The following LRP1B variants were observed in gnomAD, a reference collection of about 807,000 sequenced individuals.
LRP1B encodes the protein LDL receptor related protein 1B.
In LRP1B, 217 loss-of-function variants were observed where a neutral mutation model predicts 556.6. The ratio of observed to expected loss-of-function variants is 0.39; its 90% CI spans 0.35 to 0.44. The LOEUF (loss-of-function observed/expected upper bound fraction) is 0.44, where lower values mean the gene tolerates loss of function less well. Among genes scored for constraint, LRP1B ranks in the 20% least tolerant of loss-of-function variants. LRP1B has a pLI of 1.00. For synonymous variants in LRP1B, 2,047 were observed against 1,865.8 expected (o/e 1.10, Z -2.50); for missense variants, 5,053 against 5,620.8 (o/e 0.90, Z 3.23).
chr2:141,024,046 A>T (rs1223326283), intron 11 of LRP1B, among the ~76,000 whole-genome samples: 1 of 151,984 alleles, frequency 6.6e-6, no homozygotes, highest in African/African-American at 2.4e-5. Flanking sequence ...CCTGTCTCCT[A>T]TTCTTGTAGT....
At chr2:140,737,594 A>G (rs190837269) in intron 35 of LRP1B, among the ~76,000 whole-genome samples, 254 of 152,310 alleles carry the variant, frequency 1.7e-3, no homozygotes, top group Non-Finnish European at 2.7e-3. Flanking sequence ...AGTAAGAGCA[A>G]TCACAGTGGA....
intron 1 of LRP1B, among the ~76,000 whole-genome samples, chr2:141,945,543 A>G (rs1700928725): frequency 6.6e-6 from 1 of 151,140 alleles, no homozygotes; most frequent in Admixed American, 6.6e-5. Flanking sequence ...ATATATGTAT[A>G]TATATATATA....
At chr2:140,805,740 C>T (rs1017589294) in intron 32 of LRP1B, among the ~76,000 whole-genome samples, 2 of 151,998 alleles carry the variant, frequency 1.3e-5, no homozygotes, top group Non-Finnish European at 2.9e-5. Context: ...AAAAATCATG[C>T]AAGGTTAAAA....
At chr2:141,471,268 A>ATGTTTTTTTTTTTTTTTTTTT (rs1553518973) in intron 3 of LRP1B, among the ~76,000 whole-genome samples, 2 of 31,904 alleles carry the variant, frequency 6.3e-5, no homozygotes, top group African/African-American at 1.5e-4. Context: ...ATACCCTGGT[A>ATGTTTTTTTTTTTTTTTTTTT]TTTTTTTTTT....
chr2:141,315,882 CTTTTTTTTTTTTTT>C (rs70991157), intron 3 of LRP1B, among the ~76,000 whole-genome samples: 87 of 18,156 alleles, frequency 4.8e-3, no homozygotes, highest in Non-Finnish European at 6.8e-3. Context: ...TTAGTCTGGT[CTTTTTTTTTTTTTT>C]TTTTTTTTTT....
intron 49 of LRP1B, among the ~76,000 whole-genome samples, chr2:140,522,166 G>A (rs1690209126): frequency 6.6e-6 from 1 of 151,868 alleles, no homozygotes. Flanking sequence ...ATACTCTAAA[G>A]TTAACCACAG....
intron 43 of LRP1B, among the ~76,000 whole-genome samples, chr2:140,564,545 A>C (rs1210349166): frequency 1.3e-5 from 2 of 152,084 alleles, no homozygotes; most frequent in Non-Finnish European, 2.9e-5. Flanking sequence ...ATAATCAATA[A>C]AAAATGTTAT....
intron 44 of LRP1B, 59 bp downstream of exon 44, chr2:140,541,720 T>G: frequency 3.9e-6 from 5 of 1,295,808 alleles, no homozygotes; most frequent in Non-Finnish European, 5.3e-6. Flanking sequence ...CATATATACA[T>G]TTTTAGAGAT....
At position 141,584,445 on chromosome 2, in the gene LRP1B, T is replaced by A. The variant is rs572968411; in HGVS notation, c.206-103912A>T. On this transcript the variant is annotated intron_variant, in intron 2 of 90. Coordinates refer to ENST00000389484, the MANE Select transcript of LRP1B (RefSeq NM_018557.3). ...CAACGATGTTAAGAATCGACCATAC[T>A]AATTTATGCAGACGGAACACAGCCT... 4.6e-5 allele frequency among the ~76,000 whole-genome samples: 7 copies of A among 152,256 alleles called. No individual in the cohort carries two copies. In the South Asian group the frequency reaches 1.5e-3, roughly 32 times the overall value.
intron 3 of LRP1B, among the ~76,000 whole-genome samples, chr2:141,456,492 C>A (rs182146443): frequency 2.0e-5 from 3 of 152,148 alleles, no homozygotes; most frequent in Admixed American, 2.0e-4. Context: ...CAACTATGAA[C>A]ATCTTGAGAT....
chr2:141,766,890 A>C (rs1280414768), intron 2 of LRP1B, among the ~76,000 whole-genome samples: 2 of 152,152 alleles, frequency 1.3e-5, no homozygotes, highest in African/African-American at 4.8e-5. Context: ...CCTCCTGTCC[A>C]ACCTATCCCA....
At chr2:141,077,038 A>C (rs1699805709) in intron 7 of LRP1B, among the ~76,000 whole-genome samples, 1 of 152,144 alleles carries the variant, frequency 6.6e-6, no homozygotes, top group Admixed American at 6.6e-5. Flanking sequence ...CGAGGCCAGG[A>C]GTTCGAGACC....
chr2:140,301,853 ATG>A (rs1386008914), intron 83 of LRP1B, among the ~76,000 whole-genome samples: 1 of 151,814 alleles, frequency 6.6e-6, no homozygotes, highest in African/African-American at 2.4e-5. Context: ...ATACTAATAT[ATG>A]AATATATATG....
chr2:141,577,398 G>A (rs572454779), intron 2 of LRP1B, among the ~76,000 whole-genome samples: 29 of 152,304 alleles, frequency 1.9e-4, no homozygotes, highest in Admixed American at 1.7e-3. Flanking sequence ...GTTTAGCCCA[G>A]TTCCTGGAAT....
At chr2:141,267,647 A>G (rs1684938529) in intron 3 of LRP1B, among the ~76,000 whole-genome samples, 1 of 151,428 alleles carries the variant, frequency 6.6e-6, no homozygotes, top group Admixed American at 6.6e-5. Flanking sequence ...GAGAGAAACT[A>G]TGCGTGAGGA....
At chr2:141,852,613 T>C (rs900015832) in intron 1 of LRP1B, among the ~76,000 whole-genome samples, 1 of 151,590 alleles carries the variant, frequency 6.6e-6, no homozygotes, top group Non-Finnish European at 1.5e-5. Flanking sequence ...AATAGGTCAA[T>C]AGAACAGAGC....
chr2:140,238,152 C>T lies in LRP1B; in HGVS notation c.13560G>A (p.Lys4520=), dbSNP rs1680793646. 6.3e-7 allele frequency: 1 copy of T among 1,598,552 alleles called. No individual in the cohort carries two copies. The highest frequency in any genetic ancestry group is 8.5e-7 in the Non-Finnish European group (1 of 1,171,182). The part of the protein sequence containing the change: ...LDPGFMIDPT[K]ARYIGGGPSA... ...TGCCCATTATCTTAAGACATACTAC[C>T]TTTGTTGGGTCTATCATAAAGCCAG... The change falls in exon 89 of 91, where the codon AAG becomes AAA. Residue 4520 remains lysine, a splice_region_variant and synonymous_variant. Coordinates refer to ENST00000389484, the MANE Select transcript of LRP1B (RefSeq NM_018557.3).
intron 6 of LRP1B, among the ~76,000 whole-genome samples, chr2:141,221,714 CA>C (rs1259687246): frequency 2.6e-5 from 4 of 152,090 alleles, no homozygotes; most frequent in Non-Finnish European, 5.9e-5. Context: ...TAACTGAAAT[CA>C]TTACCAACTG....
intron 41 of LRP1B, among the ~76,000 whole-genome samples, chr2:140,699,080 T>TTACC (rs1303498925): frequency 6.6e-6 from 1 of 152,082 alleles, no homozygotes; most frequent in Non-Finnish European, 1.5e-5. Flanking sequence ...AGTAGGTAAT[T>TTACC]TACCTTGAAG....
Sources: gnomAD v4.1 joint callset for allele counts (sites outside exome capture counted in the v4.1 genomes callset) on GRCh38, gnomAD v4.1.1 for gene constraint, MANE v1.5 for transcripts, NCBI Gene and HGNC (gene_info 2026-07-23, HGNC 2026-07-21) for gene names.